The following C11orf65 variants were observed in gnomAD, a reference collection of about 807,000 sequenced individuals.
C11orf65 encodes the protein chromosome 11 open reading frame 65, also known as protein MFI.
Under a neutral mutation model 35.3 loss-of-function variants are expected in C11orf65, and 38 were observed. The observed-to-expected ratio is 1.08, with a 90% CI of 0.83 to 1.41. The LOEUF (loss-of-function observed/expected upper bound fraction) is 1.41. C11orf65 is among the 40% of genes most tolerant of loss of function. C11orf65 has a pLI of 0.00. For missense variants in C11orf65, 370 were observed against 367.1 expected, an observed-to-expected ratio of 1.01 and a Z score of -0.06; for synonymous variants, 105 against 114.4, an observed-to-expected ratio of 0.92 and a Z score of 0.53.
chr11:108,379,215 T>G (rs990471178), downstream of C11orf65, among the ~76,000 whole-genome samples: 2 of 152,096 alleles, frequency 1.3e-5, no homozygotes, highest in Admixed American at 1.3e-4. Context: ...TAGCAAAGAC[T>G]TGGAACCAAC....
intron 2 of C11orf65, among the ~76,000 whole-genome samples, chr11:108,446,189 C>G (rs1432548195): frequency 6.6e-6 from 1 of 151,900 alleles, no homozygotes; most frequent in Non-Finnish European, 1.5e-5. Context: ...GAGAATGGAA[C>G]CAAGTTGGAA....
downstream of C11orf65, among the ~76,000 whole-genome samples, chr11:108,328,639 T>C (rs1477204496): frequency 6.6e-6 from 1 of 152,244 alleles, no homozygotes; most frequent in African/African-American, 2.4e-5. Flanking sequence ...CAAAGTTGTT[T>C]TGAAAAGTCA....
chr11:108,406,445 T>G (rs2092542447), intron 5 of C11orf65, among the ~76,000 whole-genome samples: 7 of 152,186 alleles, frequency 4.6e-5, no homozygotes, highest in Admixed American at 4.6e-4. Flanking sequence ...CTGGTCATAC[T>G]TAGTGTTAAT....
At chr11:108,454,771 ATTAG>A (rs965640329) in intron 2 of C11orf65, among the ~76,000 whole-genome samples, 7 of 152,156 alleles carry the variant, frequency 4.6e-5, no homozygotes, top group South Asian at 4.2e-4. Flanking sequence ...TCTTGTTTTT[ATTAG>A]TTAGTCTAGT....
intron 2 of C11orf65, chr11:108,366,693 T>C (rs963077349): frequency 4.3e-6 from 1 of 231,418 alleles, no homozygotes; most frequent in Non-Finnish European, 8.6e-6. Flanking sequence ...GCATAAATAC[T>C]GATAGGAGAT....
intron 2 of C11orf65, among the ~76,000 whole-genome samples, chr11:108,451,175 A>G (rs1274786506): frequency 2.0e-5 from 3 of 151,990 alleles, no homozygotes; most frequent in East Asian, 3.9e-4. Flanking sequence ...GGCAGGAGAA[A>G]GAAATAAAGG....
chr11:108,418,439 A>G (rs1339867092), intron 3 of C11orf65, among the ~76,000 whole-genome samples: 6 of 152,162 alleles, frequency 3.9e-5, no homozygotes, highest in Non-Finnish European at 8.8e-5. Context: ...ATAAAGTAGA[A>G]ATTTTAAAAT....
intron 2 of C11orf65, chr11:108,354,774 G>T: frequency 1.3e-6 from 2 of 1,561,458 alleles, no homozygotes; most frequent in South Asian, 2.2e-5. Context: ...ACATTGGTGT[G>T]TAACAAAATC....
chr11:108,332,791 A>G lies in C11orf65; in HGVS notation c.300-1224T>C, dbSNP rs1027959208. The G allele has an allele frequency of 1.9e-6, 3 of 1,613,350 alleles. No individual in the cohort carries two copies. The stretch of plus-strand genomic sequence containing the variant: ...GAACAGAGGCTGCAAATAGAATAAT[A>G]TGTACTATCAGAAGTAGGAGACCTC... On this transcript the variant is annotated intron_variant, in intron 3 of 3. Transcript: ENST00000524755.
At chr11:108,319,455 C>T (rs771838520) in intron 6 of C11orf65, among the ~76,000 whole-genome samples, 5 of 152,100 alleles carry the variant, frequency 3.3e-5, no homozygotes, top group Non-Finnish European at 5.9e-5. Context: ...TCTTTTCATT[C>T]GGACCCTAGT....
At chr11:108,431,496 A>G (rs1394155459) in intron 3 of C11orf65, among the ~76,000 whole-genome samples, 1 of 152,210 alleles carries the variant, frequency 6.6e-6, no homozygotes, top group Admixed American at 6.5e-5. Flanking sequence ...GGGAGTTGGC[A>G]ATGATTTGCA....
At chr11:108,431,680 A>T (rs2092992121) in intron 3 of C11orf65, 66 bp downstream of exon 3, 2 of 834,374 alleles carry the variant, frequency 2.4e-6, no homozygotes, top group African/African-American at 1.7e-5. Context: ...GAGCACACTG[A>T]ATTGATAAAG....
intron 6 of C11orf65, among the ~76,000 whole-genome samples, chr11:108,318,348 C>T (rs575189063): frequency 5.5e-4 from 82 of 150,304 alleles, no homozygotes; most frequent in African/African-American, 1.8e-3. Flanking sequence ...GACAACAGAG[C>T]GAGACTCTGT....
chr11:108,415,912 C>A (rs1209439398), intron 3 of C11orf65, among the ~76,000 whole-genome samples: 1 of 151,906 alleles, frequency 6.6e-6, no homozygotes, highest in East Asian at 1.9e-4. Context: ...TTGCGGGAAT[C>A]CACGTTCAAG....
At chr11:108,321,210 T>C in intron 6 of C11orf65, 2 of 1,535,260 alleles carry the variant, frequency 1.3e-6, no homozygotes, top group African/African-American at 2.7e-5. Flanking sequence ...GCAAAGCCTA[T>C]GATGAGAACT....
intron 8 of C11orf65, among the ~76,000 whole-genome samples, chr11:108,384,253 G>A (rs1303880285): frequency 2.0e-5 from 3 of 152,184 alleles, no homozygotes. Flanking sequence ...GCAGAAGCCT[G>A]TAGAGGGGTG....
downstream of C11orf65, chr11:108,327,532 C>T (rs1434514609): frequency 1.2e-6 from 1 of 801,562 alleles, no homozygotes; most frequent in Admixed American, 2.3e-5. Context: ...CTTTTTTTTT[C>T]CCACCCACCA....
intron 8 of C11orf65, among the ~76,000 whole-genome samples, chr11:108,385,225 CCATG>C (rs1280524283): frequency 6.6e-6 from 1 of 152,140 alleles, no homozygotes; most frequent in Non-Finnish European, 1.5e-5. Context: ...ACATCTGCCA[CCATG>C]CACAGCTAAT....
At chr11:108,334,374 A>G (rs1439088993) in intron 3 of C11orf65, among the ~76,000 whole-genome samples, 1 of 152,216 alleles carries the variant, frequency 6.6e-6, no homozygotes, top group Non-Finnish European at 1.5e-5. Flanking sequence ...TAAGTAATAT[A>G]GTATGTATTA....
Sources: gnomAD v4.1 joint callset for allele counts (sites outside exome capture counted in the v4.1 genomes callset) on GRCh38, gnomAD v4.1.1 for gene constraint, MANE v1.5 for transcripts, NCBI Gene and HGNC (gene_info 2026-07-23, HGNC 2026-07-21) for gene names.